PRKN: variants seen among roughly 807,000 people sequenced by gnomAD.
PRKN encodes the protein parkin RBR E3 ubiquitin protein ligase.
PRKN carries 56 observed loss-of-function variants against 59.5 expected under a neutral mutation model. That is an observed-to-expected ratio of 0.94 (90% CI 0.76 to 1.18). The LOEUF (loss-of-function observed/expected upper bound fraction) is 1.18. Ranked by LOEUF, PRKN falls within the 50% of genes most tolerant of loss-of-function variation. The probability of loss-of-function intolerance (pLI) is 0.00; values close to 1 mark genes in which losing one functional copy is unlikely to be tolerated. For synonymous variants in PRKN, 250 were observed against 222.1 expected, an observed-to-expected ratio of 1.13 and a Z score of -1.12; for missense variants, 657 against 596.4, an observed-to-expected ratio of 1.10 and a Z score of -1.06.
Position 161,821,719 on chromosome 6 carries a change from CTTTTTTTTTTTTTTTTTTTTTTTTTTTTT to C in PRKN, c.735-35840_735-35812del, listed in dbSNP as rs531807176. On this transcript the variant is annotated intron_variant, in intron 6 of 11. Transcript: ENST00000366898. ...TTTGGAAAATATTTCCACTGGTGTT[CTTTTTTTTTTTTTTTTTTTTTTTTTTTTT>C]TTTTTTTTTTTTTTTTTTGAGATGC... is the stretch of plus-strand genomic sequence containing the variant. Among the ~76,000 whole-genome samples, 642 of 64,704 alleles carry C rather than the reference CTTTTTTTTTTTTTTTTTTTTTTTTTTTTT, an allele frequency of 9.9e-3. 30 individuals are homozygous for C. In the East Asian group the frequency reaches 0.15, roughly 15 times the overall value. 42.4% of individuals were successfully genotyped at this position (64,704 alleles called of 152,430 possible).
At chr6:161,729,783 A>AT (rs1168593636) in intron 7 of PRKN, among the ~76,000 whole-genome samples, 31 of 152,264 alleles carry the variant, frequency 2.0e-4, no homozygotes, top group African/African-American at 7.5e-4. Flanking sequence ...GAGGTGTTGC[A>AT]TTCTGACATG....
At chr6:161,565,627 A>G (rs1473300965) in intron 8 of PRKN, among the ~76,000 whole-genome samples, 1 of 152,120 alleles carries the variant, frequency 6.6e-6, no homozygotes, top group Non-Finnish European at 1.5e-5. Context: ...GCCTTCCGTC[A>G]TGATTGTAAG....
chr6:162,567,517 A>G (rs1413582808), intron 1 of PRKN, among the ~76,000 whole-genome samples: 1 of 152,196 alleles, frequency 6.6e-6, no homozygotes, highest in Non-Finnish European at 1.5e-5. Flanking sequence ...TAAAAATTCC[A>G]TTTACAATAG....
At chr6:162,289,746 G>A (rs1781343495) in intron 2 of PRKN, among the ~76,000 whole-genome samples, 1 of 152,002 alleles carries the variant, frequency 6.6e-6, no homozygotes. Context: ...CATAAAAGAG[G>A]AAGGAGAGAG....
intron 1 of PRKN, among the ~76,000 whole-genome samples, chr6:162,631,696 C>G (rs1436254577): frequency 6.6e-6 from 1 of 152,030 alleles, no homozygotes; most frequent in Non-Finnish European, 1.5e-5. Context: ...TAGTTTAATT[C>G]AGTCCCACTT....
At chr6:162,557,670 C>T (rs1465716867) in intron 1 of PRKN, among the ~76,000 whole-genome samples, 2 of 152,142 alleles carry the variant, frequency 1.3e-5, no homozygotes, top group East Asian at 3.9e-4. Context: ...CCATCACACC[C>T]AGCTAATTTT....
chr6:161,745,276 A>C (rs1255432505), intron 7 of PRKN, among the ~76,000 whole-genome samples: 1 of 152,200 alleles, frequency 6.6e-6, no homozygotes, highest in African/African-American at 2.4e-5. Flanking sequence ...CTCAGTGTGG[A>C]CAGGTGAAGT....
At chr6:161,902,701 C>T (rs1419556064) in intron 6 of PRKN, among the ~76,000 whole-genome samples, 1 of 151,880 alleles carries the variant, frequency 6.6e-6, no homozygotes, top group East Asian at 1.9e-4. Flanking sequence ...GCTGGGATTA[C>T]AGGAGCCTGC....
intron 2 of PRKN, among the ~76,000 whole-genome samples, chr6:162,373,785 T>TA (rs1210026936): frequency 6.6e-6 from 1 of 152,138 alleles, no homozygotes. Flanking sequence ...AAAAAGCACT[T>TA]AAAAATTATA....
chr6:162,492,356 C>T (rs1202420729), intron 1 of PRKN, among the ~76,000 whole-genome samples: 2 of 152,214 alleles, frequency 1.3e-5, no homozygotes, highest in African/African-American at 4.8e-5. Flanking sequence ...TCAATGCAGG[C>T]TGAGCTCCAC....
intron 7 of PRKN, among the ~76,000 whole-genome samples, chr6:161,717,595 C>T (rs985746343): frequency 2.0e-5 from 3 of 152,124 alleles, no homozygotes; most frequent in African/African-American, 7.2e-5. Flanking sequence ...AAATGTCTTC[C>T]GGTGTTCCTA....
rs570435649 is a variant in PRKN, at chr6:162,237,881, T to C, written c.412+24644A>G. ...CTGGTGGGAAAGAAAACAGGCAGTC[T>C]CAGTCCAGGGACCAGAGGATCTCCT... is the stretch of plus-strand genomic sequence containing the variant. On this transcript the variant is annotated intron_variant, in intron 3 of 11. Transcript: ENST00000366898. Among the ~76,000 whole-genome samples, 195 of 152,172 alleles carry C rather than the reference T, an allele frequency of 1.3e-3. 1 individual carries two copies. The highest frequency in any genetic ancestry group is 4.3e-3 in the African/African-American group (179 of 41,520).
At chr6:162,333,991 GCCACAACA>G (rs1272773042) in intron 2 of PRKN, among the ~76,000 whole-genome samples, 2 of 152,162 alleles carry the variant, frequency 1.3e-5, no homozygotes, top group East Asian at 3.9e-4. Flanking sequence ...GATCGAAACA[GCCACAACA>G]TTCCCTAAAG....
chr6:162,047,558 C>G (rs1051370137), intron 5 of PRKN, among the ~76,000 whole-genome samples: 1 of 151,144 alleles, frequency 6.6e-6, no homozygotes, highest in African/African-American at 2.4e-5. Flanking sequence ...AAAAAAAACC[C>G]AAAACATACA....
intron 1 of PRKN, among the ~76,000 whole-genome samples, chr6:162,488,027 CTTTTTTTTT>C (rs752587530): frequency 9.1e-6 from 1 of 109,772 alleles, no homozygotes; most frequent in African/African-American, 3.2e-5. Flanking sequence ...CACCATTTCC[CTTTTTTTTT>C]TTTTTTTTTT....
intron 7 of PRKN, among the ~76,000 whole-genome samples, chr6:161,597,453 T>C (rs759589307): frequency 7.2e-5 from 11 of 152,196 alleles, no homozygotes; most frequent in Non-Finnish European, 1.3e-4. Flanking sequence ...GAATTCGAGA[T>C]AGTGACTTGT....
At chr6:161,784,785 T>C (rs1193409965) in intron 7 of PRKN, among the ~76,000 whole-genome samples, 1 of 152,168 alleles carries the variant, frequency 6.6e-6, no homozygotes, top group Non-Finnish European at 1.5e-5. Flanking sequence ...AAAGCAAATG[T>C]TCATACAGAA....
At chr6:161,766,741 G>T (rs1378964630) in intron 7 of PRKN, among the ~76,000 whole-genome samples, 1 of 152,176 alleles carries the variant, frequency 6.6e-6, no homozygotes, top group Non-Finnish European at 1.5e-5. Flanking sequence ...TTTTCATGCT[G>T]AGTCTGACCA....
intron 4 of PRKN, among the ~76,000 whole-genome samples, chr6:162,119,845 A>T (rs911961041): frequency 6.6e-6 from 1 of 152,164 alleles, no homozygotes; most frequent in Admixed American, 6.5e-5. Context: ...TATCTTGCCA[A>T]TCACTCTGAC....
Sources: gnomAD v4.1 joint callset for allele counts (sites outside exome capture counted in the v4.1 genomes callset) on GRCh38, gnomAD v4.1.1 for gene constraint, MANE v1.5 for transcripts, NCBI Gene and HGNC (gene_info 2026-07-23, HGNC 2026-07-21) for gene names.